The following NEB variants were observed in gnomAD, a reference collection of about 807,000 sequenced individuals.
The protein encoded by NEB is nebulin, also known as nemaline myopathy type 2.
Under a neutral mutation model 952.2 loss-of-function variants are expected in NEB, and 512 were observed. That is an observed-to-expected ratio of 0.54 (90% confidence interval 0.50 to 0.58). The LOEUF is 0.58. Ranked by LOEUF, NEB falls within the 20% of genes least tolerant of loss-of-function variation. NEB has a pLI of 0.00. For missense variants in NEB, 8,428 were observed against 9,231.1 expected (o/e 0.91, Z 3.56); for synonymous variants, 2,900 against 3,149.8 (o/e 0.92, Z 2.66).
Position 151,489,968 on chromosome 2 carries a change from T to C in NEB, c.25404+3A>G, listed in dbSNP as rs1291313877. 6 of 1,570,528 alleles carry C rather than the reference T, an allele frequency of 3.8e-6. No individual in the cohort carries two copies. Among genetic ancestry groups the C allele is most frequent in the Non-Finnish European group, 5.3e-6 (6 of 1,140,504 alleles). ...TTATTTAAGTGAGTTGTTATTCACT[T>C]ACTCCAGCAGTAGATGGATGAGATG... On this transcript the variant is annotated splice_donor_region_variant and intron_variant, in intron 181 of 181. Coordinates refer to ENST00000397345, the MANE Select transcript of NEB (RefSeq NM_001164508.2).
At chr2:151,581,646 A>T in intron 102 of NEB, 59 bp from the exon 103 acceptor site, 1 of 1,456,200 alleles carries the variant, frequency 6.9e-7, no homozygotes, top group Non-Finnish European at 9.4e-7. Context: ...TTACCACATA[A>T]ATAAAATTAT....
intron 160 of NEB, 43 bp downstream of exon 160, chr2:151,513,537 C>T: frequency 7.0e-7 from 1 of 1,419,062 alleles, no homozygotes; most frequent in South Asian, 1.2e-5. Context: ...CTTAAAGTTA[C>T]AACTACTTTC....
rs766019243 is a variant in NEB at position 151,506,227 on chromosome 2, G to A, written c.23588C>T (p.Thr7863Met). The change falls in exon 164 of 182, where the codon ACG becomes ATG. Residue 7863 changes from threonine (T) to methionine (M), a missense_variant. Thr to Met is a moderately conservative substitution (Grantham distance 81). Transcript: ENST00000397345. ...CATCTCAGGTGTCTTTCCGATAGCC[G>A]TTCCTGGTGAGACATCCTCTTTATA... is the stretch of plus-strand genomic sequence containing the variant. ...VLYKEDVSPG[T>M]AIGKTPEMMR... 1.2e-5 allele frequency: 20 copies of A among 1,613,380 alleles called. No homozygotes were observed. Among genetic ancestry groups the A allele is most frequent in the African/African-American group, 4.0e-5 (3 of 74,908 alleles).
chr2:151,522,391 A>C (rs536921930), intron 153 of NEB, among the ~76,000 whole-genome samples: 7 of 152,316 alleles, frequency 4.6e-5, no homozygotes, highest in African/African-American at 1.7e-4. Context: ...CAGAAGAGGC[A>C]GAGGTTTCTT....
intron 62 of NEB, 106 bp from the exon 63 acceptor site, chr2:151,639,490 T>C: frequency 2.5e-6 from 2 of 810,832 alleles, no homozygotes; most frequent in South Asian, 4.4e-5. Flanking sequence ...AGGTTATGTG[T>C]TTTATACACA....
rs117763518 is a variant in NEB, at chr2:151,539,877, C to T, written c.20892+467G>A. Among the ~76,000 whole-genome samples, 44 of 152,282 alleles carry T rather than the reference C, an allele frequency of 2.9e-4. No homozygotes were observed. In the East Asian group the frequency reaches 8.3e-3, roughly 29 times the overall value. ...ACTAGGAGCCCAGCAGCATGCTAGA[C>T]ACTTATACATTATCTTGTTTGGTTT... On this transcript the variant is annotated intron_variant, in intron 138 of 181. Transcript: ENST00000397345.
rs1055735706 is a variant in NEB, at chr2:151,642,698, T to C, written c.8266-17A>G. On this transcript the variant is annotated splice_polypyrimidine_tract_variant and intron_variant, in intron 59 of 181. Coordinates refer to ENST00000397345, the MANE Select transcript of NEB (RefSeq NM_001164508.2). Reference sequence around the variant, plus strand: ...ATACAATTTCTAAAATAGACATTAATAGTAAGTTGGATTTATAAAGTGCAT... The same window carrying C: ...ATACAATTTCTAAAATAGACATTAACAGTAAGTTGGATTTATAAAGTGCAT... 30 of 1,611,256 alleles carry C rather than the reference T, an allele frequency of 1.9e-5. No individual in the cohort carries two copies. Among genetic ancestry groups the C allele is most frequent in the Non-Finnish European group, 2.5e-5 (29 of 1,177,952 alleles).
chr2:151,732,839 C>G (rs575186265), intron 3 of NEB, among the ~76,000 whole-genome samples: 2 of 152,230 alleles, frequency 1.3e-5, no homozygotes, highest in Non-Finnish European at 2.9e-5. Context: ...GGGAAGAAAG[C>G]AGTTTTAGAA....
chr2:151,562,546 G>T, intron 120 of NEB, 65 bp downstream of exon 120: 1 of 1,402,864 alleles, frequency 7.1e-7, no homozygotes, highest in Non-Finnish European at 9.6e-7. Context: ...AGCCAGGGTT[G>T]GGGGGTAGCC....
chr2:151,690,399 C>A, intron 24 of NEB: 1 of 250,742 alleles, frequency 4.0e-6, no homozygotes, highest in South Asian at 4.9e-5. Flanking sequence ...CCTTGTCCTA[C>A]ACAAATAGAT....
chr2:151,702,996 A>C (rs1576980377), intron 13 of NEB, among the ~76,000 whole-genome samples: 1 of 152,100 alleles, frequency 6.6e-6, no homozygotes, highest in South Asian at 2.1e-4. Flanking sequence ...AGTGGCTGGT[A>C]CCGGTTGTTG....
At position 151,639,997 on chromosome 2, in the gene NEB, C is replaced by G; in HGVS notation, c.8749G>C (p.Asp2917His). Reference protein sequence around the residue: ...GIGWVSIGSLDVEKCKRATEI... With the variant: ...GIGWVSIGSLHVEKCKRATEI... Reference sequence around the variant, plus strand: ...GTTGCCCTTTTGCATTTTTCCACATCCAAAGAGCCAATGGACACCCAGCCA... The same window carrying G: ...GTTGCCCTTTTGCATTTTTCCACATGCAAAGAGCCAATGGACACCCAGCCA... Residue 2917 changes from aspartate to histidine, a missense_variant, in exon 62 of 182, where the codon GAT (aspartate) becomes CAT (histidine). Physicochemically the swap from Asp to His is moderately conservative, Grantham distance 81 (BLOSUM62 -1). Transcript: ENST00000397345. 1.2e-6 allele frequency: 2 copies of G among 1,613,948 alleles called. No homozygotes were observed. Among genetic ancestry groups the G allele is most frequent in the Non-Finnish European group, 1.7e-6 (2 of 1,179,860 alleles).
chr2:151,574,773 C>G (rs1296592537), intron 107 of NEB, among the ~76,000 whole-genome samples: 1 of 131,024 alleles, frequency 7.6e-6, no homozygotes, highest in African/African-American at 2.6e-5. Context: ...GCCCTGTCAC[C>G]CAGGCTGGAC....
rs779432943 is a variant in NEB, at chr2:151,696,590, A to T, written c.1569+47T>A. 4.3e-6 allele frequency: 6 copies of T among 1,389,654 alleles called. No homozygotes were observed. In the East Asian group the frequency reaches 1.4e-4, roughly 32 times the overall value. 86.1% of individuals were successfully genotyped at this position (1,389,654 alleles called of 1,614,324 possible). ...TGGATTTTATGTATAGAGTTATGAA[A>T]TGTTATCCCTCATAATTGGGTGTCC... On this transcript the variant is annotated intron_variant, in intron 17 of 181. Transcript: ENST00000397345.
chr2:151,632,534 G>A (rs1323083473), intron 65 of NEB, among the ~76,000 whole-genome samples: 1 of 151,844 alleles, frequency 6.6e-6, no homozygotes, highest in Non-Finnish European at 1.5e-5. Context: ...AAAATTAGTG[G>A]GGCAGGGAGG....
In NEB at chr2:151,568,922, T is replaced by C. The variant is rs910348977; in HGVS notation, c.17536-206A>G. Among the ~76,000 whole-genome samples, 6 of 152,346 alleles carry C rather than the reference T, an allele frequency of 3.9e-5. No homozygotes were observed. The East Asian group carries it at 1.2e-3, about 29-fold the overall frequency. ...CTTATGCCTCCCACAGATTTTAAAG[T>C]AGGAAGTTTGCTTAGCTCTCAAAGT... is the stretch of plus-strand genomic sequence containing the variant. On this transcript the variant is annotated intron_variant, in intron 110 of 181. Transcript: ENST00000397345.
At chr2:151,731,121 T>C (rs1046314782) in intron 3 of NEB, among the ~76,000 whole-genome samples, 5 of 152,170 alleles carry the variant, frequency 3.3e-5, no homozygotes, top group African/African-American at 1.2e-4. Flanking sequence ...TTCACAACTA[T>C]TTTGGATTTT....
chr2:151,612,716 T>A (rs541179237), intron 77 of NEB, among the ~76,000 whole-genome samples: 1 of 152,234 alleles, frequency 6.6e-6, no homozygotes, highest in Non-Finnish European at 1.5e-5. Flanking sequence ...CCTCCTCTTA[T>A]GGAAACTGTA....
At chr2:151,572,914 T>G (rs1261814013) in intron 107 of NEB, among the ~76,000 whole-genome samples, 1 of 151,142 alleles carries the variant, frequency 6.6e-6, no homozygotes, top group Non-Finnish European at 1.5e-5. Context: ...CCCAATGTTT[T>G]CAGCTACTAA....
Sources: allele counts gnomAD v4.1 joint callset (sites outside exome capture counted in the v4.1 genomes callset), GRCh38; gene constraint gnomAD v4.1.1; transcripts MANE v1.5; gene names NCBI Gene and HGNC (gene_info 2026-07-23, HGNC 2026-07-21).